Variants in CELF2 observed in about 807,000 individuals in gnomAD.
The protein encoded by CELF2 is CUG triplet repeat RNA-binding protein 2.
A neutral mutation model predicts 62.6 loss-of-function variants in CELF2; 8 were observed. The ratio of observed to expected loss-of-function variants is 0.13; its 90% CI spans 0.07 to 0.23. The LOEUF (loss-of-function observed/expected upper bound fraction) is 0.23. Among genes scored for constraint, CELF2 ranks in the 10% least tolerant of loss-of-function variants. The probability of loss-of-function intolerance (pLI) is 1.00; values close to 1 mark genes in which losing one functional copy is unlikely to be tolerated. For missense variants in CELF2, 333 were observed against 671.0 expected, an observed-to-expected ratio of 0.50 and a Z score of 5.56; for synonymous variants, 258 against 250.0, an observed-to-expected ratio of 1.03 and a Z score of -0.30.
the CELF2 span, among the ~76,000 whole-genome samples, chr10:10,484,874 C>A: frequency 2.0e-5 from 3 of 152,106 alleles, no homozygotes; most frequent in Non-Finnish European, 2.9e-5. Flanking sequence ...ATTTTAAAAT[C>A]CTGCATTCTA....
intron 2 of CELF2, among the ~76,000 whole-genome samples, chr10:11,176,054 C>T (rs913734698): frequency 3.3e-5 from 5 of 152,106 alleles, no homozygotes; most frequent in African/African-American, 7.2e-5. Context: ...CGCTAGAGAG[C>T]GTGATCATCC....
Position 11,312,913 on chromosome 10 carries a change from G to A in CELF2, c.977-1226G>A, listed in dbSNP as rs143470264. Among the ~76,000 whole-genome samples the A allele has an allele frequency of 8.7e-3, 1,331 of 152,296 alleles. 22 individuals are homozygous for A. Among genetic ancestry groups the A allele is most frequent in the Middle Eastern group, 0.041 (12 of 294 alleles). ...CATGCCACTGCACTCCAGTCTGGGCGACAGAGCGAGCCTCTGTCTCAAAGG... is the reference window on the plus strand; with the variant it reads ...CATGCCACTGCACTCCAGTCTGGGCAACAGAGCGAGCCTCTGTCTCAAAGG... On this transcript the variant is annotated intron_variant, in intron 9 of 12. Transcript: ENST00000633077.
intron 2 of CELF2, among the ~76,000 whole-genome samples, chr10:11,213,618 G>A (rs960681778): frequency 6.6e-6 from 1 of 152,204 alleles, no homozygotes; most frequent in Non-Finnish European, 1.5e-5. Flanking sequence ...AGCATATTAA[G>A]TGATAGGTGG....
chr10:11,023,945 A>C (rs1193206626), intron 1 of CELF2, among the ~76,000 whole-genome samples: 3 of 152,222 alleles, frequency 2.0e-5, no homozygotes, highest in Admixed American at 6.5e-5. Flanking sequence ...TATGAGTACA[A>C]ATTCAGGTTT....
At chr10:11,293,963 G>A (rs1279280326) in intron 9 of CELF2, among the ~76,000 whole-genome samples, 2 of 152,182 alleles carry the variant, frequency 1.3e-5, no homozygotes, top group Non-Finnish European at 2.9e-5. Context: ...CCTGTAAGGC[G>A]TGCCTCTGCC....
At chr10:10,811,022 A>G (rs2055824992) in intron 1 of CELF2, among the ~76,000 whole-genome samples, 1 of 152,330 alleles carries the variant, frequency 6.6e-6, no homozygotes, top group Non-Finnish European at 1.5e-5. Flanking sequence ...GCGCAGAGCC[A>G]TCAGTATCAA....
the CELF2 span, among the ~76,000 whole-genome samples, chr10:10,651,819 C>T: frequency 6.6e-6 from 1 of 151,798 alleles, no homozygotes; most frequent in Non-Finnish European, 1.5e-5. Context: ...GAGCGCCTCT[C>T]CTCCTCCAAA....
chr10:10,625,191 TG>T, the CELF2 span, among the ~76,000 whole-genome samples: 5 of 150,758 alleles, frequency 3.3e-5, no homozygotes, highest in Non-Finnish European at 6.0e-5. Flanking sequence ...CATGTAGGTA[TG>T]GTATTGATAG....
At chr10:11,091,199 C>G (rs2048225126) in intron 1 of CELF2, among the ~76,000 whole-genome samples, 1 of 152,158 alleles carries the variant, frequency 6.6e-6, no homozygotes. Context: ...GCTGCTCCTC[C>G]CAGTCCCCGA....
intron 5 of CELF2, among the ~76,000 whole-genome samples, chr10:11,263,523 G>T (rs935264331): frequency 1.3e-5 from 2 of 152,176 alleles, no homozygotes; most frequent in Non-Finnish European, 2.9e-5. Context: ...CAACAGTCTA[G>T]AATAGTTAAG....
the CELF2 span, among the ~76,000 whole-genome samples, chr10:10,526,155 A>G: frequency 6.6e-6 from 1 of 152,250 alleles, no homozygotes; most frequent in Non-Finnish European, 1.5e-5. Context: ...CACTAGCTCA[A>G]TAGACCTGTT....
intron 9 of CELF2, among the ~76,000 whole-genome samples, chr10:11,291,383 TAA>T (rs976897510): frequency 2.3e-4 from 35 of 152,264 alleles, no homozygotes; most frequent in African/African-American, 7.0e-4. Context: ...CATGAAAGAT[TAA>T]GTCTTAATTT....
the CELF2 span, among the ~76,000 whole-genome samples, chr10:10,463,598 A>T: frequency 6.6e-6 from 1 of 152,160 alleles, no homozygotes. Flanking sequence ...CTTTTTTTGT[A>T]CACTAAACAT....
intron 3 of CELF2, among the ~76,000 whole-genome samples, chr10:11,248,210 G>A (rs746484709): frequency 5.3e-5 from 8 of 152,188 alleles, no homozygotes; most frequent in Non-Finnish European, 8.8e-5. Flanking sequence ...ACCTTTGGAG[G>A]TGGTTTGAGG....
At chr10:10,822,562 A>C (rs2057051757) in intron 1 of CELF2, among the ~76,000 whole-genome samples, 1 of 152,216 alleles carries the variant, frequency 6.6e-6, no homozygotes, top group African/African-American at 2.4e-5. Context: ...ATATGTGTTC[A>C]GCCAGAAGTT....
chr10:10,894,855 G>A (rs543192537), intron 1 of CELF2, among the ~76,000 whole-genome samples: 7 of 152,228 alleles, frequency 4.6e-5, no homozygotes, highest in Admixed American at 6.5e-5. Flanking sequence ...TTTATAAACC[G>A]GAAAATGTCT....
chr10:11,167,969 A>G (rs1216221291), intron 2 of CELF2, among the ~76,000 whole-genome samples: 1 of 152,198 alleles, frequency 6.6e-6, no homozygotes, highest in Non-Finnish European at 1.5e-5. Flanking sequence ...ATCTGTCTTC[A>G]TGGACTACAC....
At chr10:10,589,186 A>G in the CELF2 span, among the ~76,000 whole-genome samples, 4 of 152,184 alleles carry the variant, frequency 2.6e-5, no homozygotes, top group Admixed American at 2.6e-4. Context: ...GTAGATTCAA[A>G]GATTTTCCGC....
intron 1 of CELF2, among the ~76,000 whole-genome samples, chr10:11,049,019 T>C (rs1450757441): frequency 6.6e-6 from 1 of 152,086 alleles, no homozygotes; most frequent in Non-Finnish European, 1.5e-5. Flanking sequence ...ATGTACAGAA[T>C]TGAGTGGGAT....
Sources: allele counts gnomAD v4.1 joint callset (sites outside exome capture counted in the v4.1 genomes callset), GRCh38; gene constraint gnomAD v4.1.1; transcripts MANE v1.5; gene names NCBI Gene and HGNC (gene_info 2026-07-23, HGNC 2026-07-21).